The following IL1R2 variants were observed in gnomAD, a reference collection of about 807,000 sequenced individuals.
The protein encoded by IL1R2 is interleukin 1 receptor type 2, also known as interleukin-1 receptor type 2.
Under a neutral mutation model 39.5 loss-of-function variants are expected in IL1R2, and 46 were observed. The ratio of observed to expected loss-of-function variants is 1.16; its 90% CI spans 0.92 to 1.49. The LOEUF (loss-of-function observed/expected upper bound fraction) is 1.49, where lower values mean the gene tolerates loss of function less well. Among genes scored for constraint, IL1R2 ranks in the 40% most tolerant of loss-of-function variants. The pLI is 0.00. For missense variants in IL1R2, 537 were observed against 502.0 expected (o/e 1.07, Z -0.67); for synonymous variants, 207 against 189.6 (o/e 1.09, Z -0.75).
chr2:102,019,260 A>G (rs1044077629), intron 4 of IL1R2, among the ~76,000 whole-genome samples: 5 of 152,234 alleles, frequency 3.3e-5, no homozygotes, highest in Admixed American at 1.3e-4. Context: ...ATTGTTGTCC[A>G]GGTCATCATG....
chr2:102,014,744 A>G (rs1254071188), intron 3 of IL1R2, among the ~76,000 whole-genome samples: 1 of 151,870 alleles, frequency 6.6e-6, no homozygotes, highest in Non-Finnish European at 1.5e-5. Flanking sequence ...TGTCTCTGTC[A>G]AAGTCTCATG....
At chr2:102,018,104 C>T (rs995346324) in intron 4 of IL1R2, among the ~76,000 whole-genome samples, 1 of 152,144 alleles carries the variant, frequency 6.6e-6, no homozygotes. Context: ...TTCTCTCTCT[C>T]TCTCTCTTTT....
intron 1 of IL1R2, among the ~76,000 whole-genome samples, chr2:102,005,865 T>G (rs1486337358): frequency 1.3e-5 from 2 of 152,220 alleles, no homozygotes; most frequent in Admixed American, 1.3e-4. Context: ...AGGTGTATTT[T>G]CAAAGAGCAA....
intron 1 of IL1R2, 146 bp downstream of exon 1, chr2:101,992,157 G>A (rs944283012): frequency 6.6e-6 from 1 of 151,910 alleles, no homozygotes; most frequent in African/African-American, 2.4e-5. Flanking sequence ...GAGAGAGGCA[G>A]GGGGGAAGGC....
At chr2:102,005,905 A>T (rs1676231410) in intron 1 of IL1R2, among the ~76,000 whole-genome samples, 1 of 152,198 alleles carries the variant, frequency 6.6e-6, no homozygotes, top group Admixed American at 6.5e-5. Flanking sequence ...GCTGGGTTTA[A>T]ATTTCAACAT....
chr2:102,026,388 A>T lies in IL1R2; in HGVS notation c.1030+135A>T, dbSNP rs559960579. The T allele has an allele frequency of 2.4e-5, 17 of 703,522 alleles. No homozygotes were observed. In the South Asian group the frequency reaches 5.1e-4, roughly 21 times the overall value. The allele number at this position is 703,522 out of a possible 1,614,324, so 43.6% of individuals were successfully genotyped here. A position where few individuals can be genotyped will look rare whatever the true frequency, so the allele number is the denominator to read the frequency against. ...CATTGTCTGCTAGTGGAGAGCTGAA[A>T]AGAAACCTCCCATTTTTAAAGAGTT... is the stretch of plus-strand genomic sequence containing the variant. On this transcript the variant is annotated intron_variant, in intron 8 of 8. Transcript: ENST00000332549.
At position 102,025,178 on chromosome 2, in the gene IL1R2, T is replaced by C. The variant is rs1379123808; in HGVS notation, c.887+510T>C. Among the ~76,000 whole-genome samples, 3 of 152,224 alleles carry C rather than the reference T, an allele frequency of 2.0e-5. No homozygotes were observed. The East Asian group carries it at 5.8e-4, about 29-fold the overall frequency. On this transcript the variant is annotated intron_variant, in intron 7 of 8. Transcript: ENST00000332549. ...TCATCTCTAGAAAATGTTTTCTTACTCTGAGACTCGAACAATCAGACCTTT... is the reference window on the plus strand; with the variant it reads ...TCATCTCTAGAAAATGTTTTCTTACCCTGAGACTCGAACAATCAGACCTTT...
chr2:102,016,231 T>C (rs1252423691), intron 4 of IL1R2, 180 bp downstream of exon 4: 2 of 532,038 alleles, frequency 3.8e-6, no homozygotes, highest in East Asian at 5.9e-5. Flanking sequence ...CAACCTGGGA[T>C]TGAAAATATA....
chr2:102,026,324 T>C (rs1240524937), intron 8 of IL1R2, 71 bp downstream of exon 8: 2 of 1,141,544 alleles, frequency 1.8e-6, no homozygotes, highest in Non-Finnish European at 2.4e-6. Flanking sequence ...ACTAGACAAA[T>C]CTACTTGTTC....
rs548206510 is a variant in IL1R2 at position 102,015,885 on chromosome 2, G to A, written c.347G>A (p.Cys116Tyr). The change falls in exon 4 of 9, where the codon TGT (cysteine) becomes TAT (tyrosine). Residue 116 changes from cysteine (C) to tyrosine (Y), a missense_variant. Coordinates refer to ENST00000332549, the MANE Select transcript of IL1R2 (RefSeq NM_004633.4). ...TTTTAAATCAGAAATGCTTCTTACT[G>A]TGACAAAATGTCCATTGAGCTCAGA... ...YVCTTRNASY[C>Y]DKMSIELRVF... 1.2e-6 allele frequency: 2 copies of A among 1,612,618 alleles called. No homozygotes were observed. The highest frequency in any genetic ancestry group is 2.7e-5 in the African/African-American group (2 of 74,870).
Position 102,028,448 on chromosome 2 carries a change from GT to G in IL1R2, c.*57del. ...ACTCCGTACGTCTTCTCTTATGGAAGTGGCTGTGTCTTTTTGAGGGACTCTG... is the reference window on the plus strand; with the variant it reads ...ACTCCGTACGTCTTCTCTTATGGAAGGGCTGTGTCTTTTTGAGGGACTCTG... On this transcript the variant is annotated 3_prime_UTR_variant, in exon 9 of 9. Coordinates refer to ENST00000332549, the MANE Select transcript of IL1R2 (RefSeq NM_004633.4). The G allele has an allele frequency of 6.9e-6, 10 of 1,443,210 alleles. No homozygotes were observed. The highest frequency in any genetic ancestry group is 9.4e-6 in the Non-Finnish European group (10 of 1,066,848). The allele number at this position is 1,443,210 out of a possible 1,614,324, so 89.4% of individuals were successfully genotyped here.
rs943179579 is a variant in IL1R2 at position 102,010,554 on chromosome 2, C to T, written c.332+728C>T. On this transcript the variant is annotated intron_variant, in intron 3 of 8. Coordinates refer to ENST00000332549, the MANE Select transcript of IL1R2 (RefSeq NM_004633.4). ...TCGAGCCACTGCGCTCCAGGCTGGG[C>T]GACTGAGCGAGACTCTGTCTAAAAA... 2.1e-4 allele frequency among the ~76,000 whole-genome samples: 30 copies of T among 145,442 alleles called. No individual in the cohort carries two copies. The South Asian group carries it at 4.6e-3, about 22-fold the overall frequency.
At chr2:102,020,328 T>G (rs551281798) in intron 5 of IL1R2, among the ~76,000 whole-genome samples, 1 of 152,358 alleles carries the variant, frequency 6.6e-6, no homozygotes, top group East Asian at 1.9e-4. Context: ...TGCCATTGAT[T>G]AAAAGGAGTT....
chr2:102,008,379 T>G (rs1338089540), intron 1 of IL1R2, 136 bp from the exon 2 acceptor site: 8 of 575,604 alleles, frequency 1.4e-5, no homozygotes, highest in Non-Finnish European at 2.2e-5. Context: ...AAATTTTGAG[T>G]TTTGTTCTTA....
At chr2:102,011,810 A>G (rs1202820735) in intron 3 of IL1R2, among the ~76,000 whole-genome samples, 1 of 152,176 alleles carries the variant, frequency 6.6e-6, no homozygotes, top group Non-Finnish European at 1.5e-5. Context: ...TTTAGTGTTA[A>G]GAAATCATTG....
chr2:102,007,927 T>C (rs1676365385), intron 1 of IL1R2, among the ~76,000 whole-genome samples: 1 of 152,248 alleles, frequency 6.6e-6, no homozygotes, highest in Non-Finnish European at 1.5e-5. Flanking sequence ...AGGCAGCTTC[T>C]TGCAGGACTC....
intron 1 of IL1R2, among the ~76,000 whole-genome samples, chr2:102,006,036 C>G (rs1039716830): frequency 3.3e-5 from 5 of 152,154 alleles, no homozygotes; most frequent in Non-Finnish European, 7.4e-5. Flanking sequence ...AATGAATGTT[C>G]AATATTTGGC....
chr2:102,026,318 G>C (rs888060574), intron 8 of IL1R2, 65 bp downstream of exon 8: 1 of 1,201,296 alleles, frequency 8.3e-7, no homozygotes. Flanking sequence ...ATGGATACTA[G>C]ACAAATCTAC....
intron 3 of IL1R2, among the ~76,000 whole-genome samples, chr2:102,010,524 G>A (rs992201063): frequency 2.2e-4 from 34 of 151,546 alleles, no homozygotes; most frequent in Non-Finnish European, 3.1e-4. Context: ...TGCAGTGAGC[G>A]GAGATCGAGC....
Sources: gnomAD v4.1 joint callset for allele counts (sites outside exome capture counted in the v4.1 genomes callset) on GRCh38, gnomAD v4.1.1 for gene constraint, MANE v1.5 for transcripts, NCBI Gene and HGNC (gene_info 2026-07-23, HGNC 2026-07-21) for gene names.